Variants in HHIPL1 observed in about 807,000 individuals in gnomAD.
HHIPL1 encodes the protein HHIP like 1, also known as HHIP-like protein 1.
Under a neutral mutation model 61.8 loss-of-function variants are expected in HHIPL1, and 43 were observed. That is an observed-to-expected ratio of 0.70 (90% CI 0.55 to 0.90). The LOEUF is 0.90. HHIPL1 is among the 40% of genes least tolerant of loss of function. The probability of loss-of-function intolerance (pLI) is 0.00; values close to 1 mark genes in which losing one functional copy is unlikely to be tolerated. For missense variants in HHIPL1, 1,056 were observed against 1,157.7 expected (o/e 0.91, Z 1.28); for synonymous variants, 482 against 515.8 (o/e 0.93, Z 0.89).
In HHIPL1 at chr14:99,676,225, TG is replaced by T; in HGVS notation, c.*603del. 1 of 153,128 alleles carries T rather than the reference TG, an allele frequency of 6.5e-6. No homozygotes were observed. The highest frequency in any genetic ancestry group is 1.5e-5 in the Non-Finnish European group (1 of 68,704). The allele number at this position is 153,128 out of a possible 1,614,324, so 9.5% of individuals were successfully genotyped here. ...GTGGGAGCAGGGTGAGCTGCAGGCCTGGGGCCCCACTGGAGGGGCAGGCTGC... is the reference window on the plus strand; with the variant it reads ...GTGGGAGCAGGGTGAGCTGCAGGCCTGGGCCCCACTGGAGGGGCAGGCTGC... On this transcript the variant is annotated 3_prime_UTR_variant, in exon 9 of 9. Transcript: ENST00000330710.
At chr14:99,621,922 G>A in the HHIPL1 span, among the ~76,000 whole-genome samples, 143 of 151,846 alleles carry the variant, frequency 9.4e-4, 2 homozygotes, top group East Asian at 0.015. Flanking sequence ...TCACCGTGTT[G>A]GCCAGGATAG....
the HHIPL1 span, among the ~76,000 whole-genome samples, chr14:99,611,086 T>G: frequency 6.6e-6 from 1 of 152,194 alleles, no homozygotes; most frequent in Non-Finnish European, 1.5e-5. Flanking sequence ...TTAGATCCAT[T>G]GCATGCATAT....
chr14:99,636,596 G>A, the HHIPL1 span, among the ~76,000 whole-genome samples: 2 of 152,096 alleles, frequency 1.3e-5, no homozygotes, highest in African/African-American at 2.4e-5. Flanking sequence ...CTTAGAGAGT[G>A]GAGTTCTAGA....
At chr14:99,636,210 G>A in the HHIPL1 span, among the ~76,000 whole-genome samples, 414 of 152,168 alleles carry the variant, frequency 2.7e-3, no homozygotes, top group African/African-American at 7.1e-3. Context: ...TGGAGGCTTC[G>A]GAATACTTGC....
the HHIPL1 span, among the ~76,000 whole-genome samples, chr14:99,615,072 T>G: frequency 1.3e-5 from 2 of 152,006 alleles, no homozygotes; most frequent in Middle Eastern, 3.2e-3. Flanking sequence ...ATGTTGACAT[T>G]CTCAACAGCA....
At chr14:99,644,688 T>G (rs1239266483), upstream of HHIPL1, among the ~76,000 whole-genome samples, 1 of 152,198 alleles carries the variant, frequency 6.6e-6, no homozygotes. Context: ...TGCTCCGTCC[T>G]CCCTCCCCAC....
chr14:99,663,120 A>AGGGTG, intron 6 of HHIPL1, 99 bp downstream of exon 6: 11 of 1,211,498 alleles, frequency 9.1e-6, no homozygotes, highest in Non-Finnish European at 1.3e-5. Context: ...GAAGGACCAC[A>AGGGTG]CAGGCCTGAA....
intron 5 of HHIPL1, among the ~76,000 whole-genome samples, chr14:99,661,709 C>A (rs1366742031): frequency 1.3e-5 from 2 of 152,316 alleles, no homozygotes; most frequent in Non-Finnish European, 2.9e-5. Context: ...AAGCAATCCT[C>A]CTGCTTTGGC....
chr14:99,637,078 G>GAA, the HHIPL1 span, among the ~76,000 whole-genome samples: 10 of 99,058 alleles, frequency 1.0e-4, 1 homozygote, highest in Admixed American at 7.4e-4. Context: ...AAGAAAGAGA[G>GAA]AGAAAGAAAG....
chr14:99,654,993 G>T (rs1379831598), intron 2 of HHIPL1, among the ~76,000 whole-genome samples: 1 of 152,182 alleles, frequency 6.6e-6, no homozygotes, highest in African/African-American at 2.4e-5. Flanking sequence ...AAGGTCCTCT[G>T]GTGACCTCAC....
intron 5 of HHIPL1, among the ~76,000 whole-genome samples, chr14:99,661,421 AGAAGGAAG>A (rs11276316): frequency 1.0e-4 from 15 of 143,512 alleles, no homozygotes; most frequent in Middle Eastern, 3.6e-3. Context: ...GAGAGAGAAA[AGAAGGAAG>A]GAAGGAAGGA....
At chr14:99,611,600 T>TG in the HHIPL1 span, among the ~76,000 whole-genome samples, 7 of 146,952 alleles carry the variant, frequency 4.8e-5, no homozygotes, top group Middle Eastern at 3.4e-3. Flanking sequence ...TTTTTTTTTT[T>TG]TTTTTTAAAG....
the HHIPL1 span, among the ~76,000 whole-genome samples, chr14:99,639,643 G>C: frequency 6.6e-6 from 1 of 151,422 alleles, no homozygotes; most frequent in Non-Finnish European, 1.5e-5. Context: ...CACCATACCA[G>C]GTAGGCCTTG....
chr14:99,607,722 C>T, the HHIPL1 span, among the ~76,000 whole-genome samples: 3 of 152,148 alleles, frequency 2.0e-5, no homozygotes, highest in Non-Finnish European at 4.4e-5. Context: ...GAGGCAGTAC[C>T]ATTTGGTGTT....
intron 2 of HHIPL1, among the ~76,000 whole-genome samples, 176 bp from the exon 3 acceptor site, chr14:99,656,824 A>AT (rs2056041605): frequency 2.6e-5 from 1 of 38,662 alleles, no homozygotes; most frequent in African/African-American, 1.1e-4. Context: ...AGAAAGAAAG[A>AT]AAGAAAGAAA....
At chr14:99,614,662 T>C in the HHIPL1 span, among the ~76,000 whole-genome samples, 1 of 152,164 alleles carries the variant, frequency 6.6e-6, no homozygotes, top group African/African-American at 2.4e-5. Flanking sequence ...GACACTCCCA[T>C]TGCTGTGGGG....
Position 99,652,804 on chromosome 14 carries a change from G to A in HHIPL1, c.836G>A (p.Trp279Ter), listed in dbSNP as rs148516119. The change falls in exon 2 of 9, where the codon TGG becomes TAG. Residue 279 changes from tryptophan (W) to a stop codon, truncating the protein, a stop_gained. Transcript: ENST00000330710. LOFTEE classifies it high-confidence loss of function. ...TCAGTGGGTATCCGCAGCAGTGAGT[G>A]GATCCGCATCAGCGAGTTCAGAGTC... Reference protein sequence around the residue: ...YYSVGIRSSEWIRISEFRVSE... With the variant: ...YYSVGIRSSE 4.3e-5 allele frequency: 70 copies of A among 1,614,014 alleles called. No individual in the cohort carries two copies. Among genetic ancestry groups the A allele is most frequent in the Non-Finnish European group, 5.1e-5 (60 of 1,180,052 alleles).
upstream of HHIPL1, among the ~76,000 whole-genome samples, chr14:99,640,330 G>C (rs1400213876): frequency 2.0e-5 from 3 of 152,050 alleles, no homozygotes; most frequent in Non-Finnish European, 1.5e-5. Flanking sequence ...TGTCACCCAG[G>C]CTAGAGTGCA....
chr14:99,672,296 C>T, intron 7 of HHIPL1, 21 bp from the exon 8 acceptor site: 1 of 1,549,638 alleles, frequency 6.5e-7, no homozygotes, highest in South Asian at 1.2e-5. Flanking sequence ...AGACTCATAA[C>T]CTCCTGTGTG....
Sources: allele counts gnomAD v4.1 joint callset (sites outside exome capture counted in the v4.1 genomes callset), GRCh38; gene constraint gnomAD v4.1.1; transcripts MANE v1.5; gene names NCBI Gene and HGNC (gene_info 2026-07-23, HGNC 2026-07-21).